NCS1: variants seen among roughly 807,000 people sequenced by gnomAD.
NCS1 encodes the protein frequenin homolog.
A neutral mutation model predicts 28.4 loss-of-function variants in NCS1; 6 were observed. The ratio of observed to expected loss-of-function variants is 0.21; its 90% CI spans 0.12 to 0.42. The LOEUF is 0.42. Among genes scored for constraint, NCS1 ranks in the 10% least tolerant of loss-of-function variants. The pLI, the probability that NCS1 is intolerant of heterozygous loss-of-function variation, is 1.00. For missense variants in NCS1, 131 were observed against 241.4 expected (o/e 0.54, Z 3.03); for synonymous variants, 86 against 99.3 (o/e 0.87, Z 0.79).
intron 1 of NCS1, among the ~76,000 whole-genome samples, chr9:130,196,712 C>T (rs1482242530): frequency 2.0e-5 from 3 of 152,058 alleles, no homozygotes; most frequent in African/African-American, 7.2e-5. Context: ...CACTCTAGCC[C>T]CAGCCTGGGT....
In NCS1 at chr9:130,175,639, G is replaced by A. The variant is rs1832553606; in HGVS notation, c.64+2912G>A. 6.6e-6 allele frequency among the ~76,000 whole-genome samples: 1 copy of A among 152,170 alleles called. No individual in the cohort carries two copies. Among genetic ancestry groups the A allele is most frequent in the Non-Finnish European group, 1.5e-5 (1 of 68,012 alleles). On this transcript the variant is annotated intron_variant, in intron 1 of 7. Transcript: ENST00000372398. This position sits in a 1 kb window ranked among gnomAD's most constrained non-coding sequence, Gnocchi z 4.9. Reference sequence around the variant, plus strand: ...GGGTCCACGTCCGAGTCGGTGCTGGGCAGTGTCCTTGGTGGGCGTCTCTGG... The same window carrying A: ...GGGTCCACGTCCGAGTCGGTGCTGGACAGTGTCCTTGGTGGGCGTCTCTGG...
At chr9:130,176,161 TC>T (rs1564700695) in intron 1 of NCS1, among the ~76,000 whole-genome samples, 2,039 of 82,254 alleles carry the variant, frequency 0.025, 123 homozygotes, top group East Asian at 0.087. Flanking sequence ...TTTCTTTCTT[TC>T]TTTCTTTCTT....
At chr9:130,204,378 T>C (rs1832998793) in intron 2 of NCS1, among the ~76,000 whole-genome samples, 1 of 152,162 alleles carries the variant, frequency 6.6e-6, no homozygotes, top group Admixed American at 6.6e-5. Context: ...AGCCTTGACC[T>C]CCTGGGCTCA....
rs556958876 is a variant in NCS1 at position 130,215,655 on chromosome 9, C to T, written c.90-2177C>T. On this transcript the variant is annotated intron_variant, in intron 2 of 7. Coordinates refer to ENST00000372398, the MANE Select transcript of NCS1 (RefSeq NM_014286.4). This position sits in a 1 kb window ranked among gnomAD's most constrained non-coding sequence, Gnocchi z 4.2. ...CATCTGTGAAATGGGATGGTTGGGC[C>T]GACCTGCCGAGGGAACCACCCTCTC... 9.9e-4 allele frequency among the ~76,000 whole-genome samples: 150 copies of T among 152,224 alleles called. No individual in the cohort carries two copies. The highest frequency in any genetic ancestry group is 2.9e-3 in the African/African-American group (119 of 41,546).
chr9:130,225,438 C>T (rs1052998997), intron 6 of NCS1, among the ~76,000 whole-genome samples: 1 of 152,258 alleles, frequency 6.6e-6, no homozygotes, highest in Non-Finnish European at 1.5e-5. Context: ...ATAAGTTTCT[C>T]GTGGTGTGCG....
chr9:130,222,188 T>C (rs1425368279), intron 4 of NCS1, among the ~76,000 whole-genome samples: 3 of 148,992 alleles, frequency 2.0e-5, no homozygotes, highest in Non-Finnish European at 4.4e-5. Context: ...AGAGACTTGC[T>C]CTGTCACCCA....
intron 4 of NCS1, among the ~76,000 whole-genome samples, chr9:130,221,409 TATATAGAG>T (rs1165127120): frequency 1.8e-3 from 85 of 46,054 alleles, no homozygotes; most frequent in South Asian, 7.5e-3. Flanking sequence ...TATATATATA[TATATAGAG>T]AGAGAGAGAG....
chr9:130,216,006 G>T (rs1381684333), intron 2 of NCS1, among the ~76,000 whole-genome samples: 1 of 152,156 alleles, frequency 6.6e-6, no homozygotes, highest in African/African-American at 2.4e-5. Context: ...CAGGAGGCTG[G>T]GTGCCTGAGC....
rs545769858 is a variant in NCS1 at position 130,177,792 on chromosome 9, G to A, written c.64+5065G>A. 2.6e-5 allele frequency among the ~76,000 whole-genome samples: 4 copies of A among 152,172 alleles called. No homozygotes were observed. Among genetic ancestry groups the A allele is most frequent in the South Asian group, 2.1e-4 (1 of 4,838 alleles). On this transcript the variant is annotated intron_variant, in intron 1 of 7. Transcript: ENST00000372398. The surrounding 1 kb of genome is among the most constrained non-coding windows in gnomAD (Gnocchi z 4.4). ...CTAAACAGGAGAAGCTTTGCAGTCC[G>A]GGGAGCGGGCCAGAAAGACAAAGGG...
At chr9:130,178,632 C>G (rs1204718398) in intron 1 of NCS1, among the ~76,000 whole-genome samples, 5 of 151,972 alleles carry the variant, frequency 3.3e-5, no homozygotes, top group African/African-American at 1.2e-4. Context: ...CCGTAGGGAG[C>G]CGTGGAAGGG....
intron 2 of NCS1, among the ~76,000 whole-genome samples, chr9:130,210,843 C>T (rs1473379280): frequency 2.8e-5 from 4 of 141,040 alleles, no homozygotes; most frequent in African/African-American, 1.0e-4. Flanking sequence ...TTTTTCTTTT[C>T]TTTTTTTTTT....
rs1554905011 is a variant in NCS1, at chr9:130,180,036, TATCTATCTATCTATCG to T, written c.64+7311_64+7326del. On this transcript the variant is annotated intron_variant, in intron 1 of 7. Transcript: ENST00000372398. The surrounding 1 kb of genome is among the most constrained non-coding windows in gnomAD (Gnocchi z 4.5). ...CTATCTATCTATCTATCTATCTATC[TATCTATCTATCTATCG>T]AGATGGAATCTCACTTCCGTCACCC... 6.8e-6 allele frequency among the ~76,000 whole-genome samples: 1 copy of T among 146,306 alleles called. No homozygotes were observed.
At position 130,172,574 on chromosome 9, in the gene NCS1, G is replaced by T. The variant is rs1393784256; in HGVS notation, c.-90G>T. The T allele has an allele frequency of 8.2e-6, 5 of 607,434 alleles. No homozygotes were observed. The highest frequency in any genetic ancestry group is 8.5e-6 in the Non-Finnish European group (4 of 470,450). 37.6% of individuals were successfully genotyped at this position (607,434 alleles called of 1,614,324 possible). On this transcript the variant is annotated 5_prime_UTR_variant, in exon 1 of 8. Transcript: ENST00000372398. ...GCGCGGGCGCCGCAGACAAAGGCGC[G>T]GCCCCGGCCCGGCCCGCCCGGCCCA...
intron 3 of NCS1, among the ~76,000 whole-genome samples, chr9:130,218,276 T>TA (rs1341904466): frequency 1.3e-5 from 2 of 152,176 alleles, no homozygotes; most frequent in African/African-American, 4.8e-5. Context: ...TGCAGGCGAA[T>TA]ACCATGCACA....
intron 2 of NCS1, among the ~76,000 whole-genome samples, chr9:130,201,365 C>T (rs918632116): frequency 5.3e-5 from 8 of 152,150 alleles, no homozygotes; most frequent in Non-Finnish European, 1.0e-4. Context: ...ATAGAATGAT[C>T]GATTCGATTG....
rs1197713691 is a variant in NCS1, at chr9:130,186,519, G to C, written c.64+13792G>C. ...AGAAGTTTGCGGGGAGGGTTTGTGTGGGGGACGATGAGAGTGCTTCAGGCA... is the reference window on the plus strand; with the variant it reads ...AGAAGTTTGCGGGGAGGGTTTGTGTCGGGGACGATGAGAGTGCTTCAGGCA... On this transcript the variant is annotated intron_variant, in intron 1 of 7. Transcript: ENST00000372398. This position sits in a 1 kb window ranked among gnomAD's most constrained non-coding sequence, Gnocchi z 4.1. 4.5e-4 allele frequency among the ~76,000 whole-genome samples: 69 copies of C among 152,268 alleles called. 1 individual carries two copies. The highest frequency in any genetic ancestry group is 4.4e-5 in the Non-Finnish European group (3 of 68,016).
chr9:130,209,446 C>T lies in NCS1; in HGVS notation c.90-8386C>T, dbSNP rs948287935. Among the ~76,000 whole-genome samples, 6 of 152,174 alleles carry T rather than the reference C, an allele frequency of 3.9e-5. No individual in the cohort carries two copies. Among genetic ancestry groups the T allele is most frequent in the Non-Finnish European group, 5.9e-5 (4 of 68,034 alleles). On this transcript the variant is annotated intron_variant, in intron 2 of 7. Transcript: ENST00000372398. The surrounding 1 kb of genome is among the most constrained non-coding windows in gnomAD (Gnocchi z 4.4). ...CTAGAGGCCAAAGTGGAGTTGGACC[C>T]GTGTGTCCTGGGAGCATTCAATCAT...
chr9:130,210,329 G>C (rs1833095837), intron 2 of NCS1, among the ~76,000 whole-genome samples: 1 of 151,710 alleles, frequency 6.6e-6, no homozygotes, highest in African/African-American at 2.4e-5. Flanking sequence ...AACCTGGGAG[G>C]CGGAAGTTGC....
intron 7 of NCS1, among the ~76,000 whole-genome samples, chr9:130,231,608 T>C (rs1302930211): frequency 1.3e-5 from 2 of 152,106 alleles, no homozygotes; most frequent in African/African-American, 4.8e-5. Context: ...AGTCTCGAAC[T>C]CTTGAACTCA....
Sources: gnomAD v4.1 joint callset for allele counts (sites outside exome capture counted in the v4.1 genomes callset) on GRCh38, gnomAD v4.1.1 for gene constraint, Gnocchi (gnomAD v3.1) non-coding constraint, MANE v1.5 for transcripts, NCBI Gene and HGNC (gene_info 2026-07-23, HGNC 2026-07-21) for gene names.